The following CFAP221 variants were observed in gnomAD, a reference collection of about 807,000 sequenced individuals.
CFAP221 encodes cilia and flagella associated protein 221, also known as cilia- and flagella-associated protein 221.
Under a neutral mutation model 113.1 loss-of-function variants are expected in CFAP221, and 97 were observed. The observed-to-expected ratio is 0.86, with a 90% CI of 0.73 to 1.02. CFAP221 has a LOEUF of 1.02. CFAP221 is among the 50% of genes least tolerant of loss of function. The probability of loss-of-function intolerance (pLI) is 0.00; values close to 1 mark genes in which losing one functional copy is unlikely to be tolerated. For missense variants in CFAP221, 1,025 were observed against 1,013.4 expected (o/e 1.01, Z -0.16); for synonymous variants, 331 against 354.4 (o/e 0.93, Z 0.74).
intron 20 of CFAP221, 138 bp from the exon 21 acceptor site, chr2:119,639,643 G>GA (rs747870794): frequency 7.3e-6 from 5 of 680,482 alleles, no homozygotes; most frequent in Non-Finnish European, 1.3e-5. Context: ...TTTTGCTTCA[G>GA]AAAAATTCAA....
chr2:119,603,434 A>C (rs1196782451), intron 8 of CFAP221, among the ~76,000 whole-genome samples: 1 of 152,158 alleles, frequency 6.6e-6, no homozygotes, highest in African/African-American at 2.4e-5. Context: ...AGTCTCACCA[A>C]GGGACACGTT....
chr2:119,580,011 T>G (rs1395026690), intron 6 of CFAP221, among the ~76,000 whole-genome samples: 1 of 152,124 alleles, frequency 6.6e-6, no homozygotes, highest in African/African-American at 2.4e-5. Flanking sequence ...CATCGCGCAT[T>G]ACCCAAGGCC....
At chr2:119,659,754 A>T (rs754976588), downstream of CFAP221, among the ~76,000 whole-genome samples, 1 of 152,068 alleles carries the variant, frequency 6.6e-6, no homozygotes, top group South Asian at 2.1e-4. Flanking sequence ...GCTATTCCCT[A>T]TGACCTCACC....
chr2:119,658,845 G>A (rs1037074762), downstream of CFAP221, among the ~76,000 whole-genome samples: 1 of 151,912 alleles, frequency 6.6e-6, no homozygotes, highest in East Asian at 1.9e-4. Context: ...AGAAAATTTA[G>A]CCAGGCATGG....
At chr2:119,603,065 A>G (rs1022372566) in intron 8 of CFAP221, among the ~76,000 whole-genome samples, 1 of 152,310 alleles carries the variant, frequency 6.6e-6, no homozygotes, top group Admixed American at 6.5e-5. Context: ...TGAAGGGAAA[A>G]AAACTAGCTG....
intron 22 of CFAP221, chr2:119,648,742 T>C (rs955536881): frequency 9.7e-5 from 15 of 153,916 alleles, no homozygotes; most frequent in African/African-American, 3.4e-4. Context: ...GGAGAGGTGA[T>C]GGGAATGAGA....
chr2:119,615,480 A>C (rs934097850), intron 13 of CFAP221, 131 bp from the exon 14 acceptor site: 1 of 687,718 alleles, frequency 1.5e-6, no homozygotes, highest in Non-Finnish European at 2.4e-6. Context: ...TTAATAAATA[A>C]ATGCTCACTA....
chr2:119,639,660 T>G, intron 20 of CFAP221, 121 bp from the exon 21 acceptor site: 1 of 743,728 alleles, frequency 1.3e-6, no homozygotes, highest in Non-Finnish European at 2.2e-6. Flanking sequence ...TCAAACTGAA[T>G]GAAATTACAG....
intron 3 of CFAP221, among the ~76,000 whole-genome samples, chr2:119,550,358 A>G (rs1573973153): frequency 6.6e-6 from 1 of 152,232 alleles, no homozygotes; most frequent in East Asian, 1.9e-4. Context: ...GAAGACCCCA[A>G]AGAACAGAGG....
intron 11 of CFAP221, among the ~76,000 whole-genome samples, chr2:119,606,167 C>T (rs1558955517): frequency 6.8e-6 from 1 of 146,496 alleles, no homozygotes; most frequent in Non-Finnish European, 1.5e-5. Context: ...CCATGCCCAG[C>T]AAATTTTTTT....
At chr2:119,560,846 C>T (rs531385955) in intron 5 of CFAP221, among the ~76,000 whole-genome samples, 10 of 152,074 alleles carry the variant, frequency 6.6e-5, no homozygotes, top group African/African-American at 2.4e-4. Context: ...ATAGTGTTGT[C>T]TCTGACTCAC....
chr2:119,589,042 C>T (rs1683409225), intron 7 of CFAP221, among the ~76,000 whole-genome samples: 1 of 152,136 alleles, frequency 6.6e-6, no homozygotes, highest in African/African-American at 2.4e-5. Context: ...AGCCAGGGCT[C>T]TTGGACTTTG....
intron 11 of CFAP221, among the ~76,000 whole-genome samples, chr2:119,607,997 T>C (rs1356353194): frequency 2.0e-5 from 3 of 152,244 alleles, no homozygotes; most frequent in African/African-American, 7.2e-5. Context: ...TGTGACCATA[T>C]CTTTTCAGTT....
chr2:119,612,704 T>C (rs1177289756), intron 13 of CFAP221, among the ~76,000 whole-genome samples: 1 of 152,050 alleles, frequency 6.6e-6, no homozygotes, highest in Admixed American at 6.5e-5. Flanking sequence ...ATGTCTTGAA[T>C]TATGGAAACT....
intron 12 of CFAP221, 82 bp downstream of exon 12, chr2:119,608,671 GA>G: frequency 8.4e-7 from 1 of 1,188,414 alleles, no homozygotes; most frequent in South Asian, 1.3e-5. Flanking sequence ...CCAGGTGGAG[GA>G]AAACCCACAG....
chr2:119,657,752 A>T (rs1574253582), downstream of CFAP221, among the ~76,000 whole-genome samples: 1 of 152,086 alleles, frequency 6.6e-6, no homozygotes, highest in African/African-American at 2.4e-5. Context: ...GTCTTTTCTC[A>T]TCATTTGTGA....
chr2:119,597,909 T>TG lies in CFAP221; in HGVS notation c.632-3304dup, dbSNP rs564914597. Among the ~76,000 whole-genome samples, 191 of 152,264 alleles carry TG rather than the reference T, an allele frequency of 1.3e-3. 2 individuals are homozygous for TG. Among genetic ancestry groups the TG allele is most frequent in the African/African-American group, 4.4e-3 (184 of 41,546 alleles). Reference sequence around the variant, plus strand: ...TTTTCCATCTAACGCACAGAAAATGTGGGGGTTTTACAAAGGGAGTAGCCT... The same window carrying TG: ...TTTTCCATCTAACGCACAGAAAATGTGGGGGGTTTTACAAAGGGAGTAGCCT... On this transcript the variant is annotated intron_variant, in intron 7 of 23. Coordinates refer to ENST00000413369, the MANE Select transcript of CFAP221 (RefSeq NM_001271049.2).
intron 6 of CFAP221, among the ~76,000 whole-genome samples, chr2:119,574,820 C>A (rs1170641337): frequency 6.6e-6 from 1 of 152,180 alleles, no homozygotes; most frequent in Non-Finnish European, 1.5e-5. Flanking sequence ...ACTGAACTGA[C>A]TATAATTTCT....
chr2:119,643,541 A>G (rs1687620566), intron 21 of CFAP221, among the ~76,000 whole-genome samples: 1 of 152,170 alleles, frequency 6.6e-6, no homozygotes, highest in Admixed American at 6.5e-5. Flanking sequence ...AAGTAAGGAC[A>G]TTAAATATAT....
Sources: allele counts gnomAD v4.1 joint callset (sites outside exome capture counted in the v4.1 genomes callset), GRCh38; gene constraint gnomAD v4.1.1; transcripts MANE v1.5; gene names NCBI Gene and HGNC (gene_info 2026-07-23, HGNC 2026-07-21).